LRP1B: variants seen among roughly 807,000 people sequenced by gnomAD.
LRP1B encodes low-density lipoprotein receptor-related protein 1B.
A neutral mutation model predicts 556.6 loss-of-function variants in LRP1B; 217 were observed. The observed-to-expected ratio is 0.39, with a 90% CI of 0.35 to 0.44. LRP1B has a LOEUF of 0.44. Among genes scored for constraint, LRP1B ranks in the 20% least tolerant of loss-of-function variants. LRP1B has a pLI of 1.00. For synonymous variants in LRP1B, 2,047 were observed against 1,865.8 expected (o/e 1.10, Z -2.50); for missense variants, 5,053 against 5,620.8 (o/e 0.90, Z 3.23).
At chr2:141,362,817 TAA>T (rs372926853) in intron 3 of LRP1B, among the ~76,000 whole-genome samples, 37 of 138,824 alleles carry the variant, frequency 2.7e-4, no homozygotes, top group African/African-American at 8.0e-4. Context: ...TTGCATTAAT[TAA>T]AAAAAAAAAA....
chr2:141,957,395 G>T (rs1199140689), intron 1 of LRP1B, among the ~76,000 whole-genome samples: 9 of 114,726 alleles, frequency 7.8e-5, no homozygotes, highest in Non-Finnish European at 1.2e-4. Flanking sequence ...GGGGGGGGGG[G>T]GCGGGGGGGT....
At chr2:140,821,182 A>C (rs1226924191) in intron 31 of LRP1B, among the ~76,000 whole-genome samples, 1 of 152,120 alleles carries the variant, frequency 6.6e-6, no homozygotes, top group Non-Finnish European at 1.5e-5. Context: ...GGAGGATGGT[A>C]CCAGGTTTTG....
intron 6 of LRP1B, among the ~76,000 whole-genome samples, chr2:141,202,652 C>T (rs1168267711): frequency 6.6e-6 from 1 of 151,972 alleles, no homozygotes. Context: ...TTTTGATTTG[C>T]ATTTCTCTGG....
At chr2:140,785,814 A>C (rs1021245) in intron 32 of LRP1B, among the ~76,000 whole-genome samples, 64,523 of 151,838 alleles carry the variant, frequency 0.42, 13,917 homozygotes, top group African/African-American at 0.48. Flanking sequence ...TTCCCAGCAG[A>C]CTTTTCTCAG....
intron 2 of LRP1B, among the ~76,000 whole-genome samples, chr2:141,599,236 A>G (rs1465513236): frequency 1.3e-5 from 2 of 151,968 alleles, no homozygotes; most frequent in East Asian, 3.9e-4. Flanking sequence ...GGGAAATTGA[A>G]AAACAGCATT....
chr2:141,347,357 T>G (rs1010346770), intron 3 of LRP1B, among the ~76,000 whole-genome samples: 20 of 152,086 alleles, frequency 1.3e-4, no homozygotes, highest in Non-Finnish European at 2.9e-5. Flanking sequence ...CAATCTCAGT[T>G]CTTTCAAAAA....
chr2:141,297,151 G>GTGC (rs1475984255), intron 3 of LRP1B, among the ~76,000 whole-genome samples: 2 of 152,148 alleles, frequency 1.3e-5, no homozygotes, highest in Non-Finnish European at 2.9e-5. Context: ...ATTGTGAGTA[G>GTGC]TGCTGCTGTC....
intron 3 of LRP1B, among the ~76,000 whole-genome samples, chr2:141,396,292 A>G (rs1690234793): frequency 6.6e-6 from 1 of 152,218 alleles, no homozygotes; most frequent in Non-Finnish European, 1.5e-5. Context: ...CTTTTTAGCT[A>G]TATGAAAAAG....
chr2:142,028,480 T>A (rs998034516), intron 1 of LRP1B, among the ~76,000 whole-genome samples: 3 of 152,008 alleles, frequency 2.0e-5, no homozygotes, highest in Non-Finnish European at 4.4e-5. Context: ...TAATGCATTT[T>A]ATATTTGCTG....
At chr2:141,788,297 C>G (rs1327469858) in intron 2 of LRP1B, among the ~76,000 whole-genome samples, 1 of 151,970 alleles carries the variant, frequency 6.6e-6, no homozygotes, top group Non-Finnish European at 1.5e-5. Context: ...TGATTCCTAA[C>G]CTGGGAAGAT....
intron 84 of LRP1B, among the ~76,000 whole-genome samples, chr2:140,287,097 A>G (rs1683181013): frequency 6.6e-6 from 1 of 151,892 alleles, no homozygotes; most frequent in African/African-American, 2.4e-5. Context: ...TCTAAAACCT[A>G]GCATTTCTTC....
intron 1 of LRP1B, among the ~76,000 whole-genome samples, chr2:141,889,666 A>G (rs1490112014): frequency 6.6e-6 from 1 of 152,152 alleles, no homozygotes; most frequent in Non-Finnish European, 1.5e-5. Flanking sequence ...CACTTTGCAT[A>G]ATCATTAGTA....
chr2:140,373,458 G>A (rs1279727278), intron 68 of LRP1B, among the ~76,000 whole-genome samples: 2 of 151,838 alleles, frequency 1.3e-5, no homozygotes, highest in Admixed American at 1.3e-4. Flanking sequence ...ACTTTCATTT[G>A]TCCCTGTGAG....
chr2:141,024,551 A>T (rs1698163875), intron 11 of LRP1B, among the ~76,000 whole-genome samples: 2 of 152,032 alleles, frequency 1.3e-5, no homozygotes, highest in Admixed American at 1.3e-4. Flanking sequence ...AGACATGGAC[A>T]AGTAAAGATA....
intron 3 of LRP1B, among the ~76,000 whole-genome samples, chr2:141,278,212 T>C (rs936139510): frequency 6.6e-6 from 1 of 152,254 alleles, no homozygotes; most frequent in African/African-American, 2.4e-5. Flanking sequence ...CAGGAGAAAT[T>C]GGCTGGGGCT....
At chr2:140,558,927 C>T (rs1680831143) in intron 43 of LRP1B, among the ~76,000 whole-genome samples, 1 of 150,342 alleles carries the variant, frequency 6.7e-6, no homozygotes, top group Non-Finnish European at 1.5e-5. Flanking sequence ...CAGAGCCAGA[C>T]CCTGTCTCCA....
At chr2:141,895,289 T>G (rs1699418894) in intron 1 of LRP1B, among the ~76,000 whole-genome samples, 1 of 152,152 alleles carries the variant, frequency 6.6e-6, no homozygotes, top group Non-Finnish European at 1.5e-5. Context: ...GGTATTTGGC[T>G]CCATGACATA....
At chr2:140,427,276 T>C (rs1000039289) in intron 66 of LRP1B, among the ~76,000 whole-genome samples, 2 of 152,048 alleles carry the variant, frequency 1.3e-5, no homozygotes, top group African/African-American at 2.4e-5. Flanking sequence ...GCAAGTCAAT[T>C]GCGAGGACGC....
intron 2 of LRP1B, among the ~76,000 whole-genome samples, chr2:141,614,071 ACT>A (rs1435658714): frequency 1.3e-5 from 1 of 79,382 alleles, no homozygotes; most frequent in African/African-American, 3.7e-5. Context: ...TAAGAGCAAA[ACT>A]CAGCCTCAAA....
Sources: allele counts gnomAD v4.1 joint callset (sites outside exome capture counted in the v4.1 genomes callset), GRCh38; gene constraint gnomAD v4.1.1; transcripts MANE v1.5; gene names NCBI Gene and HGNC (gene_info 2026-07-23, HGNC 2026-07-21).